ZNF202: variants seen among roughly 807,000 people sequenced by gnomAD.
ZNF202 encodes zinc finger protein 202, also known as zinc finger protein with KRAB and SCAN domains 10.
ZNF202 carries 22 observed loss-of-function variants against 54.5 expected under a neutral mutation model. The observed-to-expected ratio is 0.40, with a 90% CI of 0.29 to 0.58. ZNF202 has a LOEUF of 0.58. Ranked by LOEUF, ZNF202 falls within the 20% of genes least tolerant of loss-of-function variation. The probability of loss-of-function intolerance (pLI) is 0.39; values close to 1 mark genes in which losing one functional copy is unlikely to be tolerated. For synonymous variants in ZNF202, 294 were observed against 301.4 expected, an observed-to-expected ratio of 0.98 and a Z score of 0.26; for missense variants, 644 against 805.5, an observed-to-expected ratio of 0.80 and a Z score of 2.43.
At chr11:123,729,263 A>C in intron 5 of ZNF202, 49 bp from the exon 6 acceptor site, 1 of 1,564,850 alleles carries the variant, frequency 6.4e-7, no homozygotes, top group Non-Finnish European at 8.7e-7. Context: ...ATGCCCCAAT[A>C]ATGGGCAAAA....
In ZNF202 at chr11:123,726,808, C is replaced by G; in HGVS notation, c.1136G>C (p.Ser379Thr). The G allele has an allele frequency of 6.2e-7, 1 of 1,614,214 alleles. No individual in the cohort carries two copies. The highest frequency in any genetic ancestry group is 8.5e-7 in the Non-Finnish European group (1 of 1,180,048). Residue 379 changes from serine (S) to threonine (T), a missense_variant, in exon 9 of 9, where the codon AGT becomes ACT. By Grantham distance (58) the Ser-to-Thr change is moderately conservative (BLOSUM62 1). Coordinates refer to ENST00000530393, the MANE Select transcript of ZNF202 (RefSeq NM_003455.4). The surrounding 1 kb of genome is among the most constrained non-coding windows in gnomAD (Gnocchi z 6.0). ...TGTAGTTTCCCGAAGGTTCACAAAACTATTCACTTGAGAAATATTAGTACC... is the reference window on the plus strand; with the variant it reads ...TGTAGTTTCCCGAAGGTTCACAAAAGTATTCACTTGAGAAATATTAGTACC... ...RFGTNISQVN[S>T]FVNLRETTPV...
chr11:123,735,041 A>G (rs1223495940), intron 3 of ZNF202, among the ~76,000 whole-genome samples: 1 of 152,114 alleles, frequency 6.6e-6, no homozygotes, highest in African/African-American at 2.4e-5. Flanking sequence ...TTTTCCATTG[A>G]GGATTTAAAT....
chr11:123,728,437 C>G (rs1338792017), intron 6 of ZNF202, among the ~76,000 whole-genome samples, 175 bp from the exon 7 acceptor site: 1 of 152,026 alleles, frequency 6.6e-6, no homozygotes, highest in Non-Finnish European at 1.5e-5. Context: ...ACTGGCCCTG[C>G]CCCCTCCAAC....
intron 3 of ZNF202, among the ~76,000 whole-genome samples, chr11:123,731,212 G>T (rs548021607): frequency 2.2e-3 from 335 of 152,232 alleles, no homozygotes; most frequent in Non-Finnish European, 3.9e-3. Flanking sequence ...TACTCTGCAA[G>T]AAAATACTGC....
chr11:123,727,017 G>C, intron 8 of ZNF202, 26 bp from the exon 9 acceptor site: 2 of 1,586,966 alleles, frequency 1.3e-6, no homozygotes, highest in Non-Finnish European at 1.7e-6. Context: ...GAGGAAAAAG[G>C]GGGTCACTGT....
At chr11:123,738,635 C>A (rs541349392) in intron 3 of ZNF202, 1 of 152,182 alleles carries the variant, frequency 6.6e-6, no homozygotes, top group Non-Finnish European at 1.5e-5. Context: ...TCAGAGGAAC[C>A]ATCATTTAAT....
At chr11:123,731,465 G>A (rs774198160) in intron 3 of ZNF202, among the ~76,000 whole-genome samples, 3 of 152,164 alleles carry the variant, frequency 2.0e-5, no homozygotes, top group Non-Finnish European at 4.4e-5. Context: ...AGTCAATTCA[G>A]GTAACTGTAT....
In ZNF202 at chr11:123,730,351, G is replaced by T; in HGVS notation, c.402+136C>A. The stretch of plus-strand genomic sequence containing the variant: ...CACACACATCCCCCTAATCCATGGG[G>T]CTCATGGTATATGAGCAACCCAAGG... On this transcript the variant is annotated intron_variant, in intron 4 of 8. Coordinates refer to ENST00000530393, the MANE Select transcript of ZNF202 (RefSeq NM_003455.4). The surrounding 1 kb of genome is among the most constrained non-coding windows in gnomAD (Gnocchi z 6.0). 9.3e-7 allele frequency: 1 copy of T among 1,080,922 alleles called. No individual in the cohort carries two copies. Among genetic ancestry groups the T allele is most frequent in the Non-Finnish European group, 1.3e-6 (1 of 781,626 alleles). 67.0% of individuals were successfully genotyped at this position (1,080,922 alleles called of 1,614,324 possible).
intron 3 of ZNF202, among the ~76,000 whole-genome samples, 193 bp downstream of exon 3, chr11:123,739,924 G>A (rs1023144246): frequency 6.6e-6 from 1 of 152,164 alleles, no homozygotes; most frequent in Admixed American, 6.5e-5. Flanking sequence ...TAGCCCTTCA[G>A]GTGCTTATAG....
chr11:123,727,759 A>G (rs1036497100), intron 7 of ZNF202, among the ~76,000 whole-genome samples, 164 bp from the exon 8 acceptor site: 1 of 152,178 alleles, frequency 6.6e-6, no homozygotes, highest in Non-Finnish European at 1.5e-5. Flanking sequence ...AGGACTGCGT[A>G]TCTCTTGCCT....
In ZNF202 at chr11:123,735,066, G is replaced by A. The variant is rs185964896; in HGVS notation, c.-97-4081C>T. Reference sequence around the variant, plus strand: ...AGGATTTAAATCAATTTTAATAAGCGCAAAATCAGACATCAAATAAATGGA... The same window carrying A: ...AGGATTTAAATCAATTTTAATAAGCACAAAATCAGACATCAAATAAATGGA... On this transcript the variant is annotated intron_variant, in intron 3 of 8. Transcript: ENST00000530393. 2.3e-4 allele frequency among the ~76,000 whole-genome samples: 35 copies of A among 151,834 alleles called. No homozygotes were observed. The East Asian group carries it at 3.5e-3, about 15-fold the overall frequency.
chr11:123,727,055 G>A lies in ZNF202; in HGVS notation c.953-64C>T. 2.0e-6 allele frequency: 3 copies of A among 1,528,914 alleles called. No homozygotes were observed. The South Asian group carries it at 3.9e-5, about 20-fold the overall frequency. The allele number at this position is 1,528,914 out of a possible 1,614,324, so 94.7% of individuals were successfully genotyped here. ...CGGCAACAATGCCTTCTACACAATG[G>A]GGAGATTTTTACAAAGGGTTTTGAG... On this transcript the variant is annotated intron_variant, in intron 8 of 8. Coordinates refer to ENST00000530393, the MANE Select transcript of ZNF202 (RefSeq NM_003455.4).
Position 123,726,544 on chromosome 11 carries a change from G to C in ZNF202, c.1400C>G (p.Pro467Arg), listed in dbSNP as rs1247617784. ...LNRKNLEETS[P>R]VTQAERTPSV... is the part of the protein sequence containing the mutation. ...TGGAGTTCTCTCAGCCTGTGTCACA[G>C]GGGAGGTCTCTTCCAAATTCTTCCG... is the stretch of plus-strand genomic sequence containing the variant. The change falls in exon 9 of 9, where the codon CCT becomes CGT. Residue 467 changes from proline to arginine, a missense_variant. By Grantham distance (103) the Pro-to-Arg change is moderately radical. Around this residue, in one of 3 missense-constraint regions of ZNF202, gnomAD observed 536 missense variants for 635.3 expected, o/e 0.84. Coordinates refer to ENST00000530393, the MANE Select transcript of ZNF202 (RefSeq NM_003455.4). This position sits in a 1 kb window ranked among gnomAD's most constrained non-coding sequence, Gnocchi z 6.0. The C allele has an allele frequency of 6.2e-7, 1 of 1,614,230 alleles. No homozygotes were observed. The highest frequency in any genetic ancestry group is 2.2e-5 in the East Asian group (1 of 44,886).
Position 123,736,131 on chromosome 11 carries a change from C to A in ZNF202, c.-98+3986G>T, listed in dbSNP as rs147139351. Among the ~76,000 whole-genome samples, 600 of 152,316 alleles carry A rather than the reference C, an allele frequency of 3.9e-3. 5 individuals carry two copies. The highest frequency in any genetic ancestry group is 0.014 in the African/African-American group (583 of 41,564). ...CAGGCCAGCTGTCTCTGCCCCTTAT[C>A]TGAAGGTGTCACGTGGCAGTGAAGA... On this transcript the variant is annotated intron_variant, in intron 3 of 8. Transcript: ENST00000530393.
rs1861286593 is a variant in ZNF202, at chr11:123,729,116, T to G, written c.702+10A>C. On this transcript the variant is annotated intron_variant, in intron 6 of 8. Transcript: ENST00000530393. ...AAATTCTCTGTGGTACAGAGGTAAC[T>G]AGGGCACACCTGTGACAGAGCAGTA... The G allele has an allele frequency of 6.2e-7, 1 of 1,613,454 alleles. No individual in the cohort carries two copies. The highest frequency in any genetic ancestry group is 1.3e-5 in the African/African-American group (1 of 74,942).
At chr11:123,738,513 A>G (rs1861724058) in intron 3 of ZNF202, 1 of 151,018 alleles carries the variant, frequency 6.6e-6, no homozygotes, top group Non-Finnish European at 1.5e-5. Flanking sequence ...AAAGGAGGGG[A>G]CATCAAACCT....
chr11:123,741,320 G>A (rs1373645796), intron 1 of ZNF202, among the ~76,000 whole-genome samples: 1 of 152,058 alleles, frequency 6.6e-6, no homozygotes, highest in Non-Finnish European at 1.5e-5. Flanking sequence ...AGCGCCATCC[G>A]TGTCCCCGGA....
At position 123,726,090 on chromosome 11, in the gene ZNF202, C is replaced by T; in HGVS notation, c.1854G>A (p.Glu618=). Residue 618 remains glutamate (E), a synonymous_variant, in exon 9 of 9, where the codon GAG becomes GAA. Coordinates refer to ENST00000530393, the MANE Select transcript of ZNF202 (RefSeq NM_003455.4). The surrounding 1 kb of genome is among the most constrained non-coding windows in gnomAD (Gnocchi z 6.0). The part of the protein sequence containing the change: ...LVRHQRTHTG[E]KPFTCPTCGK... Reference sequence around the variant, plus strand: ...CACAGGTAGGGCACGTGAATGGTTTCTCCCCAGTGTGTGTTCTCTGATGCC... The same window carrying T: ...CACAGGTAGGGCACGTGAATGGTTTTTCCCCAGTGTGTGTTCTCTGATGCC... The T allele has an allele frequency of 6.2e-7, 1 of 1,614,216 alleles. No individual in the cohort carries two copies. The highest frequency in any genetic ancestry group is 8.5e-7 in the Non-Finnish European group (1 of 1,180,038).
In ZNF202 at chr11:123,727,519, A is replaced by G; in HGVS notation, c.909T>C (p.Pro303=). ...GGATTTCTGGCTCTTGAGTCTCCTG[A>G]GGCTCTTGGATATCTGGGACCCAAG... The part of the protein sequence containing the change: ...EEPWVPDIQE[P]QETQEPEILS... The change falls in exon 8 of 9, where the codon CCT becomes CCC. Residue 303 remains proline, a synonymous_variant. Transcript: ENST00000530393. 3 of 1,614,116 alleles carry G rather than the reference A, an allele frequency of 1.9e-6. No individual in the cohort carries two copies. The highest frequency in any genetic ancestry group is 2.5e-6 in the Non-Finnish European group (3 of 1,180,002).
Sources: gnomAD v4.1 joint callset for allele counts (sites outside exome capture counted in the v4.1 genomes callset) on GRCh38, gnomAD v4.1.1 for gene constraint, gnomAD v4.1.1 regional missense constraint, Gnocchi (gnomAD v3.1) non-coding constraint, MANE v1.5 for transcripts, NCBI Gene and HGNC (gene_info 2026-07-23, HGNC 2026-07-21) for gene names.